Variants in SH2B3 observed in about 807,000 individuals in gnomAD.
SH2B3 encodes SH2B adapter protein 3.
In SH2B3, 43 loss-of-function variants were observed where a neutral mutation model predicts 51.9. That is an observed-to-expected ratio of 0.83 (90% confidence interval 0.65 to 1.07). The LOEUF (loss-of-function observed/expected upper bound fraction) is 1.07, where lower values mean the gene tolerates loss of function less well. Ranked by LOEUF, SH2B3 falls within the 50% of genes least tolerant of loss-of-function variation. The pLI, the probability that SH2B3 is intolerant of heterozygous loss-of-function variation, is 0.00. For synonymous variants in SH2B3, 396 were observed against 376.0 expected (o/e 1.05, Z -0.62); for missense variants, 952 against 834.3 (o/e 1.14, Z -1.74).
intron 1 of SH2B3, 145 bp from the exon 2 acceptor site, chr12:111,417,974 G>A (rs1400348614): frequency 1.8e-6 from 1 of 570,760 alleles, no homozygotes; most frequent in African/African-American, 2.0e-5. Flanking sequence ...CTTGGTAGGG[G>A]AGTGCATGTT....
At chr12:111,433,089 C>T (rs889954906) in intron 2 of SH2B3, among the ~76,000 whole-genome samples, 6 of 152,170 alleles carry the variant, frequency 3.9e-5, no homozygotes, top group Admixed American at 2.6e-4. Context: ...CGGTGGCTAA[C>T]GCCAGTAATC....
rs745829571 is a variant in SH2B3 at position 111,418,846 on chromosome 12, A to T, written c.701A>T (p.Asp234Val). 1.1e-5 allele frequency: 16 copies of T among 1,417,800 alleles called. No individual in the cohort carries two copies. In the South Asian group the frequency reaches 2.2e-4, roughly 20 times the overall value. The allele number at this position is 1,417,800 out of a possible 1,614,324, so 87.8% of individuals were successfully genotyped here. A position where few individuals can be genotyped will look rare whatever the true frequency, so the allele number is the denominator to read the frequency against. ...CGGGCCCCGGGCCCCGATGGCCCCG[A>T]CCGCGTGCTGGAGCTCTTCGACCCA... The part of the protein sequence containing the change: ...LRRAPGPDGP[D>V]RVLELFDPPK... Residue 234 changes from aspartate (D) to valine (V), a missense_variant, in exon 2 of 8, where the codon GAC becomes GTC. Transcript: ENST00000341259. This position sits in a 1 kb window ranked among gnomAD's most constrained non-coding sequence, Gnocchi z 6.7.
chr12:111,418,542 T>A lies in SH2B3; in HGVS notation c.397T>A (p.Cys133Ser). 2.8e-6 allele frequency: 4 copies of A among 1,452,470 alleles called. No homozygotes were observed. Among genetic ancestry groups the A allele is most frequent in the Non-Finnish European group, 3.6e-6 (4 of 1,106,198 alleles). The allele number at this position is 1,452,470 out of a possible 1,614,324, so 90.0% of individuals were successfully genotyped here. A position where few individuals can be genotyped will look rare whatever the true frequency, so the allele number is the denominator to read the frequency against. ...ELAPPRPPGPCSFQHFRRSLR... is the reference protein window; with the variant it reads ...ELAPPRPPGPSSFQHFRRSLR... Reference sequence around the variant, plus strand: ...GGCCCCGCCGCGGCCGCCCGGGCCCTGCTCCTTCCAGCACTTTCGCCGCAG... The same window carrying A: ...GGCCCCGCCGCGGCCGCCCGGGCCCAGCTCCTTCCAGCACTTTCGCCGCAG... The change falls in exon 2 of 8, where the codon TGC becomes AGC. Residue 133 changes from cysteine to serine, a missense_variant. By Grantham distance (112) the Cys-to-Ser change is moderately radical. Transcript: ENST00000341259. This position sits in a 1 kb window ranked among gnomAD's most constrained non-coding sequence, Gnocchi z 6.7.
rs1480550583 is a variant in SH2B3 at position 111,418,502 on chromosome 12, C to T, written c.357C>T (p.Arg119=). 1.9e-5 allele frequency: 26 copies of T among 1,381,292 alleles called. No homozygotes were observed. Among genetic ancestry groups the T allele is most frequent in the Non-Finnish European group, 2.2e-5 (24 of 1,070,742 alleles). 85.6% of individuals were successfully genotyped at this position (1,381,292 alleles called of 1,614,324 possible). A position where few individuals can be genotyped will look rare whatever the true frequency, so the allele number is the denominator to read the frequency against. ...GPAAPGLPKA[R]SSEELAPPRP... is the part of the protein sequence containing the mutation. ...CCGCCCCTGGCCTGCCCAAGGCCCGCAGCTCTGAGGAGCTGGCCCCGCCGC... is the reference window on the plus strand; with the variant it reads ...CCGCCCCTGGCCTGCCCAAGGCCCGTAGCTCTGAGGAGCTGGCCCCGCCGC... The change falls in exon 2 of 8, where the codon CGC becomes CGT. Residue 119 remains arginine (R), a synonymous_variant. Transcript: ENST00000341259. The surrounding 1 kb of genome is among the most constrained non-coding windows in gnomAD (Gnocchi z 6.7).
Position 111,418,094 on chromosome 12 carries a change from G to GC in SH2B3, c.-27-18dup, listed in dbSNP as rs903580679. 229 of 1,465,766 alleles carry GC rather than the reference G, an allele frequency of 1.6e-4. No individual in the cohort carries two copies. The highest frequency in any genetic ancestry group is 2.5e-4 in the Middle Eastern group (1 of 3,922). The allele number at this position is 1,465,766 out of a possible 1,614,324, so 90.8% of individuals were successfully genotyped here. A position where few individuals can be genotyped will look rare whatever the true frequency, so the allele number is the denominator to read the frequency against. On this transcript the variant is annotated intron_variant, in intron 1 of 7. Coordinates refer to ENST00000341259, the MANE Select transcript of SH2B3 (RefSeq NM_005475.3). This position sits in a 1 kb window ranked among gnomAD's most constrained non-coding sequence, Gnocchi z 6.7. ...CTTGCCCACCTGCTTACTCCTTGTCGCCCCCCCACCCACGTGTCTTTCAGC... is the reference window on the plus strand; with the variant it reads ...CTTGCCCACCTGCTTACTCCTTGTCGCCCCCCCCACCCACGTGTCTTTCAGC...
At chr12:111,422,311 A>G (rs144197532) in intron 2 of SH2B3, among the ~76,000 whole-genome samples, 1 of 152,170 alleles carries the variant, frequency 6.6e-6, no homozygotes, top group East Asian at 1.9e-4. Context: ...GTTAAGAGTC[A>G]CCGGTGGCTG....
At chr12:111,447,266 C>A in intron 5 of SH2B3, 47 bp downstream of exon 5, 1 of 1,589,020 alleles carries the variant, frequency 6.3e-7, no homozygotes, top group Non-Finnish European at 8.6e-7. Flanking sequence ...TACGCTGGAA[C>A]CCAGACTCAG....
At chr12:111,408,520 C>T (rs985910117) in intron 1 of SH2B3, among the ~76,000 whole-genome samples, 1 of 152,034 alleles carries the variant, frequency 6.6e-6, no homozygotes, top group Non-Finnish European at 1.5e-5. Context: ...TTCTGGCTCC[C>T]GCTGTGCCAC....
In SH2B3 at chr12:111,407,649, C is replaced by G. The variant is rs1593023381; in HGVS notation, c.-28+1372C>G. On this transcript the variant is annotated intron_variant, in intron 1 of 7. Transcript: ENST00000341259. The surrounding 1 kb of genome is among the most constrained non-coding windows in gnomAD (Gnocchi z 4.3). ...TGGAAGGGTTTTTAGTGCACTTTTCCTGAGCCTTTTCCCACTACCCCCTCT... is the reference window on the plus strand; with the variant it reads ...TGGAAGGGTTTTTAGTGCACTTTTCGTGAGCCTTTTCCCACTACCCCCTCT... Among the ~76,000 whole-genome samples the G allele has an allele frequency of 6.6e-6, 1 of 152,216 alleles. No individual in the cohort carries two copies. Among genetic ancestry groups the G allele is most frequent in the Admixed American group, 6.5e-5 (1 of 15,284 alleles).
Position 111,435,639 on chromosome 12 carries a change from GAAC to G in SH2B3, c.733-11110_733-11108del, listed in dbSNP as rs1162782912. Among the ~76,000 whole-genome samples, 1 of 152,134 alleles carries G rather than the reference GAAC, an allele frequency of 6.6e-6. No individual in the cohort carries two copies. Among genetic ancestry groups the G allele is most frequent in the African/African-American group, 2.4e-5 (1 of 41,418 alleles). On this transcript the variant is annotated intron_variant, in intron 2 of 7. Transcript: ENST00000341259. This position sits in a 1 kb window ranked among gnomAD's most constrained non-coding sequence, Gnocchi z 4.8. ...CTCCCAAAGTGCTCGTTACAGGCGT[GAAC>G]AACCCCCACCCACTGCAGGGAGCCA...
intron 2 of SH2B3, among the ~76,000 whole-genome samples, chr12:111,442,134 G>A (rs1256464621): frequency 1.3e-5 from 2 of 152,040 alleles, no homozygotes; most frequent in Admixed American, 6.6e-5. Flanking sequence ...CATCCATCCC[G>A]GCAGCATCCA....
chr12:111,414,152 C>G (rs184595465), intron 1 of SH2B3, among the ~76,000 whole-genome samples: 2 of 152,348 alleles, frequency 1.3e-5, no homozygotes, highest in Admixed American at 6.5e-5. Flanking sequence ...GACCCTCCCC[C>G]CTTCAGGGAC....
intron 2 of SH2B3, chr12:111,444,688 A>G: frequency 1.0e-6 from 1 of 980,406 alleles, no homozygotes; most frequent in Non-Finnish European, 1.2e-6. Context: ...CCTCTCACCC[A>G]TCCCCCCATA....
Position 111,418,044 on chromosome 12 carries a change from C to G in SH2B3, c.-27-75C>G. The G allele has an allele frequency of 1.8e-6, 2 of 1,114,058 alleles. No individual in the cohort carries two copies. Among genetic ancestry groups the G allele is most frequent in the Non-Finnish European group, 2.5e-6 (2 of 809,522 alleles). 69.0% of individuals were successfully genotyped at this position (1,114,058 alleles called of 1,614,324 possible). On this transcript the variant is annotated intron_variant, in intron 1 of 7. Coordinates refer to ENST00000341259, the MANE Select transcript of SH2B3 (RefSeq NM_005475.3). This position sits in a 1 kb window ranked among gnomAD's most constrained non-coding sequence, Gnocchi z 6.7. ...CGCGTTGGATTTCTGCTGTGGTGCC[C>G]GGTGTGTAATGGGGCCTACACCTGC...
rs760059709 is a variant in SH2B3, at chr12:111,429,938, G to A, written c.732+11061G>A. On this transcript the variant is annotated intron_variant, in intron 2 of 7. Coordinates refer to ENST00000341259, the MANE Select transcript of SH2B3 (RefSeq NM_005475.3). This position sits in a 1 kb window ranked among gnomAD's most constrained non-coding sequence, Gnocchi z 4.4. ...CACCGTCAGAACGAGCCTGTATCCC[G>A]GCAAGCAGGGCAGACTGAGCCCTGG... Among the ~76,000 whole-genome samples, 67 of 152,198 alleles carry A rather than the reference G, an allele frequency of 4.4e-4. No homozygotes were observed. Among genetic ancestry groups the A allele is most frequent in the Non-Finnish European group, 7.8e-4 (53 of 68,034 alleles).
At chr12:111,447,884 G>A in intron 7 of SH2B3, 57 bp downstream of exon 7, 1 of 1,584,504 alleles carries the variant, frequency 6.3e-7, no homozygotes, top group Non-Finnish European at 8.6e-7. Flanking sequence ...AGAGGGTAGA[G>A]GCTTGCTGCA....
At chr12:111,413,519 G>C (rs1870859835) in intron 1 of SH2B3, among the ~76,000 whole-genome samples, 1 of 152,244 alleles carries the variant, frequency 6.6e-6, no homozygotes, top group South Asian at 2.1e-4. Flanking sequence ...CCTGGGCAGT[G>C]AGGGACCTGG....
At position 111,447,409 on chromosome 12, in the gene SH2B3, C is replaced by A; in HGVS notation, c.1101C>A (p.Gly367=). The change falls in exon 6 of 8, where the codon GGC becomes GGA. Residue 367 remains glycine (G), a synonymous_variant. Coordinates refer to ENST00000341259, the MANE Select transcript of SH2B3 (RefSeq NM_005475.3). ...HFLSCYPWFH[G]PISRVKAAQL... ...TGTCCTGCTACCCCTGGTTCCACGG[C>A]CCCATCTCCAGAGTGAAAGCAGCTC... 1 of 1,614,010 alleles carries A rather than the reference C, an allele frequency of 6.2e-7. No homozygotes were observed. The highest frequency in any genetic ancestry group is 8.5e-7 in the Non-Finnish European group (1 of 1,179,904).
intron 2 of SH2B3, among the ~76,000 whole-genome samples, chr12:111,422,588 T>A (rs1871646266): frequency 6.7e-6 from 1 of 150,324 alleles, no homozygotes; most frequent in African/African-American, 2.5e-5. Context: ...TGAGATGGAG[T>A]CTCACTCTGT....
Sources: gnomAD v4.1 joint callset for allele counts (sites outside exome capture counted in the v4.1 genomes callset) on GRCh38, gnomAD v4.1.1 for gene constraint, Gnocchi (gnomAD v3.1) non-coding constraint, MANE v1.5 for transcripts, NCBI Gene and HGNC (gene_info 2026-07-23, HGNC 2026-07-21) for gene names.